The following NALF1 variants were observed in gnomAD, a reference collection of about 807,000 sequenced individuals.
The protein encoded by NALF1 is NALCN channel auxiliary factor 1.
NALF1 carries 3 observed loss-of-function variants against 48.4 expected under a neutral mutation model. The observed-to-expected ratio is 0.06, with a 90% CI of 0.03 to 0.16. The LOEUF (loss-of-function observed/expected upper bound fraction) is 0.16. Ranked by LOEUF, NALF1 falls within the 10% of genes least tolerant of loss-of-function variation. NALF1 has a pLI of 1.00. For missense variants in NALF1, 526 were observed against 571.5 expected (o/e 0.92, Z 0.81); for synonymous variants, 262 against 245.7 (o/e 1.07, Z -0.62).
intron 1 of NALF1, among the ~76,000 whole-genome samples, chr13:107,462,390 G>GA (rs1450672697): frequency 2.0e-5 from 3 of 152,178 alleles, no homozygotes; most frequent in African/African-American, 7.2e-5. Flanking sequence ...TATATTTGAA[G>GA]AAATGTTAGA....
At chr13:107,748,118 T>A (rs1876835326) in intron 1 of NALF1, among the ~76,000 whole-genome samples, 1 of 152,148 alleles carries the variant, frequency 6.6e-6, no homozygotes, top group Admixed American at 6.5e-5. Flanking sequence ...CTCTTTCTCA[T>A]CAGGAATCAA....
intron 1 of NALF1, among the ~76,000 whole-genome samples, chr13:107,836,526 C>G (rs1173177881): frequency 6.6e-6 from 1 of 151,928 alleles, no homozygotes; most frequent in Non-Finnish European, 1.5e-5. Flanking sequence ...ATTAGCCCTT[C>G]TGCTCATGAG....
chr13:107,659,120 C>G (rs1880662500), intron 1 of NALF1, among the ~76,000 whole-genome samples: 1 of 150,958 alleles, frequency 6.6e-6, no homozygotes, highest in Non-Finnish European at 1.5e-5. Flanking sequence ...CACAGACACA[C>G]ACACACACAC....
At chr13:107,606,977 A>G (rs563047681) in intron 1 of NALF1, among the ~76,000 whole-genome samples, 2 of 152,320 alleles carry the variant, frequency 1.3e-5, no homozygotes, top group African/African-American at 4.8e-5. Context: ...GCTGCTTATA[A>G]TTGGAGGTAA....
At chr13:107,320,250 T>C (rs948084261) in intron 1 of NALF1, among the ~76,000 whole-genome samples, 3 of 152,100 alleles carry the variant, frequency 2.0e-5, no homozygotes, top group African/African-American at 7.2e-5. Flanking sequence ...ATCTGAAAAC[T>C]ATGCAATTCA....
rs77085612 is a variant in NALF1, at chr13:107,234,128, T to A, written c.916-23373A>T. On this transcript the variant is annotated intron_variant, in intron 1 of 2. Coordinates refer to ENST00000375915, the MANE Select transcript of NALF1 (RefSeq NM_001080396.3). ...CTAGGGCCAGTGTTATATTCTAAAC[T>A]CCAGCACAATTAAATAGAGGTTTCT... 3.9e-3 allele frequency among the ~76,000 whole-genome samples: 588 copies of A among 152,326 alleles called. 5 individuals are homozygous for A. Among genetic ancestry groups the A allele is most frequent in the African/African-American group, 0.014 (571 of 41,576 alleles).
At position 107,163,886 on chromosome 13, in the gene NALF1, CAAG is replaced by C. The variant is rs1566437403; in HGVS notation, c.*6608_*6610del. ...TGCAGAAAAAGGTAGAAAAAGAAAA[CAAG>C]AGAAAAAGGAAGAAAAAGAAAGCAA... On this transcript the variant is annotated 3_prime_UTR_variant, in exon 3 of 3. Coordinates refer to ENST00000375915, the MANE Select transcript of NALF1 (RefSeq NM_001080396.3). 2 of 151,810 alleles carry C rather than the reference CAAG, an allele frequency of 1.3e-5. No individual in the cohort carries two copies. The highest frequency in any genetic ancestry group is 4.8e-5 in the African/African-American group (2 of 41,316). The allele number at this position is 151,810 out of a possible 1,614,324, so 9.4% of individuals were successfully genotyped here. A position where few individuals can be genotyped will look rare whatever the true frequency, so the allele number is the denominator to read the frequency against.
intron 1 of NALF1, among the ~76,000 whole-genome samples, chr13:107,717,090 A>G (rs1227655934): frequency 6.6e-6 from 1 of 152,066 alleles, no homozygotes; most frequent in East Asian, 1.9e-4. Context: ...TCACCCACAT[A>G]TCCCATGTCA....
chr13:107,548,058 A>G (rs1001299780), intron 1 of NALF1, among the ~76,000 whole-genome samples: 1 of 151,984 alleles, frequency 6.6e-6, no homozygotes, highest in Non-Finnish European at 1.5e-5. Flanking sequence ...TATTGTACAG[A>G]TTATTTCATC....
Position 107,866,134 on chromosome 13 carries a change from C to T in NALF1, c.463G>A (p.Ala155Thr). The change falls in exon 1 of 3, where the codon GCT becomes ACT. Residue 155 changes from alanine (A) to threonine (T), a missense_variant. Physicochemically the swap from Ala to Thr is moderately conservative, Grantham distance 58. Around this residue, in one of 2 missense-constraint regions of NALF1, gnomAD observed 373 missense variants for 355.5 expected, o/e 1.05. Coordinates refer to ENST00000375915, the MANE Select transcript of NALF1 (RefSeq NM_001080396.3). This position sits in a 1 kb window ranked among gnomAD's most constrained non-coding sequence, Gnocchi z 4.4. ...TTGGCAGAGTTTCCTAGAAAAAGAG[C>T]CTTGCCCCGGTCGTCTTTGCCTCGG... ...GNRGKDDRGK[A>T]LFLGNSAKPV... 6.2e-7 allele frequency: 1 copy of T among 1,611,780 alleles called. No individual in the cohort carries two copies. The highest frequency in any genetic ancestry group is 8.5e-7 in the Non-Finnish European group (1 of 1,179,462).
At chr13:107,842,899 G>A (rs958330887) in intron 1 of NALF1, among the ~76,000 whole-genome samples, 1 of 151,940 alleles carries the variant, frequency 6.6e-6, no homozygotes, top group African/African-American at 2.4e-5. Flanking sequence ...TCTTATTTAG[G>A]TAACACTAGG....
rs144524998 is a variant in NALF1 at position 107,164,217 on chromosome 13, C to T, written c.*6280G>A. 26 of 152,208 alleles carry T rather than the reference C, an allele frequency of 1.7e-4. No individual in the cohort carries two copies. The highest frequency in any genetic ancestry group is 4.8e-4 in the African/African-American group (20 of 41,540). The allele number at this position is 152,208 out of a possible 1,614,324, so 9.4% of individuals were successfully genotyped here. A position where few individuals can be genotyped will look rare whatever the true frequency, so the allele number is the denominator to read the frequency against. ...AAATTTATTTCACTGATCCTTCTCG[C>T]CACTGATTCTATGCAACTCTCACCT... On this transcript the variant is annotated 3_prime_UTR_variant, in exon 3 of 3. Coordinates refer to ENST00000375915, the MANE Select transcript of NALF1 (RefSeq NM_001080396.3).
At chr13:107,841,027 T>C (rs1369100828) in intron 1 of NALF1, among the ~76,000 whole-genome samples, 1 of 152,174 alleles carries the variant, frequency 6.6e-6, no homozygotes, top group Non-Finnish European at 1.5e-5. Context: ...ATTTCTCTAA[T>C]TATATTATAT....
At chr13:107,642,616 A>G (rs1400427388) in intron 1 of NALF1, among the ~76,000 whole-genome samples, 3 of 152,190 alleles carry the variant, frequency 2.0e-5, no homozygotes, top group Admixed American at 6.5e-5. Context: ...CTATTTATCT[A>G]TTTCAGAAAT....
intron 1 of NALF1, among the ~76,000 whole-genome samples, chr13:107,414,493 T>C (rs188673119): frequency 0.013 from 1,938 of 150,610 alleles, 20 homozygotes; most frequent in South Asian, 0.029. Flanking sequence ...AGGGAATTTA[T>C]TAATTCTATT....
At chr13:107,721,021 T>C (rs1158007568) in intron 1 of NALF1, among the ~76,000 whole-genome samples, 2 of 151,966 alleles carry the variant, frequency 1.3e-5, no homozygotes, top group Non-Finnish European at 2.9e-5. Flanking sequence ...ATCGTGGATA[T>C]CACATGAATG....
intron 1 of NALF1, among the ~76,000 whole-genome samples, chr13:107,606,415 G>A (rs965759341): frequency 2.0e-5 from 3 of 150,530 alleles, no homozygotes; most frequent in Non-Finnish European, 4.4e-5. Flanking sequence ...ACTGAGACTG[G>A]AGCGCAGTGG....
intron 1 of NALF1, among the ~76,000 whole-genome samples, chr13:107,386,829 G>A (rs1883539074): frequency 6.6e-6 from 1 of 152,142 alleles, no homozygotes; most frequent in African/African-American, 2.4e-5. Context: ...CCAAAGGAAA[G>A]TTATATAAGA....
chr13:107,685,922 C>T (rs1470251613), intron 1 of NALF1, among the ~76,000 whole-genome samples: 3 of 152,176 alleles, frequency 2.0e-5, no homozygotes, highest in South Asian at 2.1e-4. Context: ...TCCTCTCATA[C>T]AAGACTTACT....
Sources: gnomAD v4.1 joint callset for allele counts (sites outside exome capture counted in the v4.1 genomes callset) on GRCh38, gnomAD v4.1.1 for gene constraint, gnomAD v4.1.1 regional missense constraint, Gnocchi (gnomAD v3.1) non-coding constraint, MANE v1.5 for transcripts, NCBI Gene and HGNC (gene_info 2026-07-23, HGNC 2026-07-21) for gene names.